Variants in TENM4 observed in about 807,000 individuals in gnomAD.
TENM4 encodes the protein teneurin transmembrane protein 4.
Under a neutral mutation model 243.3 loss-of-function variants are expected in TENM4, and 82 were observed. The observed-to-expected ratio is 0.34, with a 90% CI of 0.28 to 0.40. The LOEUF (loss-of-function observed/expected upper bound fraction) is 0.40. Among genes scored for constraint, TENM4 ranks in the 10% least tolerant of loss-of-function variants. The pLI, the probability that TENM4 is intolerant of heterozygous loss-of-function variation, is 1.00. For synonymous variants in TENM4, 1,412 were observed against 1,456.3 expected (o/e 0.97, Z 0.69); for missense variants, 3,138 against 3,673.3 (o/e 0.85, Z 3.77).
At position 78,955,476 on chromosome 11, in the gene TENM4, C is replaced by T. The variant is rs537574174; in HGVS notation, c.494-51953G>A. Among the ~76,000 whole-genome samples, 93 of 152,314 alleles carry T rather than the reference C, an allele frequency of 6.1e-4. 1 individual carries two copies. Among genetic ancestry groups the T allele is most frequent in the Non-Finnish European group, 1.1e-3 (73 of 68,032 alleles). On this transcript the variant is annotated intron_variant, in intron 6 of 33. Coordinates refer to ENST00000278550, the MANE Select transcript of TENM4 (RefSeq NM_001098816.3). ...CATTTCAACAGGGTCACAAACTAGG[C>T]TTAGTTTCCAGATGGAGAAAGCCTG...
chr11:79,159,296 T>C (rs868345535), intron 3 of TENM4, among the ~76,000 whole-genome samples: 1 of 152,322 alleles, frequency 6.6e-6, no homozygotes, highest in Admixed American at 6.5e-5. Context: ...GATCACCAAA[T>C]AAACACCACA....
At chr11:79,019,359 A>T (rs2136792614) in intron 6 of TENM4, among the ~76,000 whole-genome samples, 1 of 152,320 alleles carries the variant, frequency 6.6e-6, no homozygotes, top group Non-Finnish European at 1.5e-5. Context: ...TGGGGGAAGG[A>T]AAAATGGCTA....
At chr11:79,112,454 T>C (rs1458331818) in intron 4 of TENM4, among the ~76,000 whole-genome samples, 1 of 152,038 alleles carries the variant, frequency 6.6e-6, no homozygotes, top group Non-Finnish European at 1.5e-5. Context: ...AGCGGGGTGA[T>C]TCAGGACTGT....
chr11:78,985,711 C>G (rs1309182081), intron 6 of TENM4, among the ~76,000 whole-genome samples: 3 of 152,128 alleles, frequency 2.0e-5, no homozygotes, highest in Non-Finnish European at 4.4e-5. Context: ...TTTCCTTTGA[C>G]ATAGCTTTGT....
chr11:78,688,172 G>GCT lies in TENM4; in HGVS notation c.5140_5141dup (p.Ser1714ArgfsTer16). The GCT allele has an allele frequency of 6.2e-7, 1 of 1,613,826 alleles. No homozygotes were observed. The highest frequency in any genetic ancestry group is 8.5e-7 in the Non-Finnish European group (1 of 1,179,810). On this transcript the variant is annotated frameshift_variant, in exon 29 of 34. Coordinates refer to ENST00000278550, the MANE Select transcript of TENM4 (RefSeq NM_001098816.3). LOFTEE classifies it high-confidence loss of function. ...AACTGTCTGTATCACTTCGGAAACTGCTCACCTGGCCAGTAGGGAAGGTCA... is the reference window on the plus strand; with the variant it reads ...AACTGTCTGTATCACTTCGGAAACTGCTCTCACCTGGCCAGTAGGGAAGGTCA...
intron 2 of TENM4, among the ~76,000 whole-genome samples, chr11:79,296,232 A>G (rs1257610129): frequency 6.6e-6 from 1 of 152,148 alleles, no homozygotes; most frequent in Non-Finnish European, 1.5e-5. Context: ...CAACTCAGCA[A>G]AAGCAGAAGC....
At chr11:79,166,740 TGAA>T (rs1294342257) in intron 3 of TENM4, among the ~76,000 whole-genome samples, 2 of 152,158 alleles carry the variant, frequency 1.3e-5, no homozygotes, top group African/African-American at 4.8e-5. Flanking sequence ...CCAGAATGGG[TGAA>T]GAGGTCAGTT....
intron 2 of TENM4, among the ~76,000 whole-genome samples, chr11:79,259,716 C>T (rs975570682): frequency 2.0e-5 from 3 of 151,530 alleles, no homozygotes; most frequent in Admixed American, 6.6e-5. Flanking sequence ...CACACCCATC[C>T]ATCCATCCCT....
chr11:78,738,359 C>A, intron 20 of TENM4, 92 bp downstream of exon 20: 1 of 1,490,648 alleles, frequency 6.7e-7, no homozygotes, highest in Non-Finnish European at 9.0e-7. Context: ...CAAGACCCAT[C>A]CTCTTTCCAC....
chr11:78,892,731 C>A (rs183880804), intron 7 of TENM4, among the ~76,000 whole-genome samples: 1 of 152,278 alleles, frequency 6.6e-6, no homozygotes, highest in African/African-American at 2.4e-5. Context: ...AAATTTTATT[C>A]CTCACAATAA....
At chr11:79,266,566 T>G (rs2135336349) in intron 2 of TENM4, among the ~76,000 whole-genome samples, 1 of 152,276 alleles carries the variant, frequency 6.6e-6, no homozygotes, top group Non-Finnish European at 1.5e-5. Context: ...GGCCCTTATC[T>G]TTGCTACTAG....
chr11:79,011,718 C>T (rs1858647532), intron 6 of TENM4, among the ~76,000 whole-genome samples: 1 of 152,236 alleles, frequency 6.6e-6, no homozygotes, highest in Non-Finnish European at 1.5e-5. Context: ...ACTGCCCCAC[C>T]TGCTGGGAGA....
intron 10 of TENM4, among the ~76,000 whole-genome samples, chr11:78,859,566 C>A (rs1167456819): frequency 1.3e-5 from 2 of 152,234 alleles, no homozygotes; most frequent in African/African-American, 4.8e-5. Context: ...ATTTCATGCA[C>A]TTCTCAATCA....
At chr11:79,066,065 T>C (rs556302209) in intron 5 of TENM4, among the ~76,000 whole-genome samples, 1 of 152,348 alleles carries the variant, frequency 6.6e-6, no homozygotes, top group African/African-American at 2.4e-5. Context: ...ATGCCGGCCC[T>C]GGGCCTGTAC....
intron 3 of TENM4, among the ~76,000 whole-genome samples, chr11:79,155,065 G>A (rs1565226755): frequency 6.6e-6 from 1 of 151,928 alleles, no homozygotes; most frequent in Non-Finnish European, 1.5e-5. Context: ...TGCACTCAGG[G>A]CCCTTTCCTG....
intron 2 of TENM4, among the ~76,000 whole-genome samples, chr11:79,266,010 A>C (rs1855878091): frequency 6.6e-6 from 1 of 152,140 alleles, no homozygotes; most frequent in East Asian, 1.9e-4. Flanking sequence ...GGGAAGCCCT[A>C]TCTGATTTCC....
intron 6 of TENM4, among the ~76,000 whole-genome samples, chr11:78,981,471 T>A (rs1857792992): frequency 6.6e-6 from 1 of 152,190 alleles, no homozygotes. Context: ...CTAGCCACAC[T>A]GTGGTTATGT....
At chr11:78,826,000 G>C (rs1439648598) in intron 12 of TENM4, among the ~76,000 whole-genome samples, 1 of 150,028 alleles carries the variant, frequency 6.7e-6, no homozygotes, top group Non-Finnish European at 1.5e-5. Flanking sequence ...CTGCTAATTA[G>C]TCTCCAATCA....
intron 12 of TENM4, among the ~76,000 whole-genome samples, chr11:78,852,187 G>A (rs1401860530): frequency 6.6e-6 from 1 of 152,208 alleles, no homozygotes; most frequent in Non-Finnish European, 1.5e-5. Context: ...ACTGTACAAA[G>A]TGATAATTTC....
Sources: allele counts gnomAD v4.1 joint callset (sites outside exome capture counted in the v4.1 genomes callset), GRCh38; gene constraint gnomAD v4.1.1; transcripts MANE v1.5; gene names NCBI Gene and HGNC (gene_info 2026-07-23, HGNC 2026-07-21).